The following RAD51B variants were observed in gnomAD, a reference collection of about 807,000 sequenced individuals.
RAD51B encodes the protein DNA repair protein RAD51 homolog 2.
RAD51B carries 38 observed loss-of-function variants against 42.2 expected under a neutral mutation model. The ratio of observed to expected loss-of-function variants is 0.90; its 90% confidence interval spans 0.70 to 1.18. The LOEUF (loss-of-function observed/expected upper bound fraction) is 1.18, where lower values mean the gene tolerates loss of function less well. Among genes scored for constraint, RAD51B ranks in the 50% most tolerant of loss-of-function variants. The probability of loss-of-function intolerance (pLI) is 0.00; values close to 1 mark genes in which losing one functional copy is unlikely to be tolerated. For synonymous variants in RAD51B, 154 were observed against 145.2 expected (o/e 1.06, Z -0.43); for missense variants, 373 against 400.7 (o/e 0.93, Z 0.59).
intron 8 of RAD51B, among the ~76,000 whole-genome samples, chr14:68,346,767 C>T (rs1234739282): frequency 2.0e-5 from 3 of 152,160 alleles, no homozygotes; most frequent in Non-Finnish European, 2.9e-5. Flanking sequence ...GTTCTCCAGC[C>T]GTATATCTCT....
intron 9 of RAD51B, among the ~76,000 whole-genome samples, chr14:68,452,053 A>C (rs2085569349): frequency 6.6e-6 from 1 of 152,134 alleles, no homozygotes; most frequent in African/African-American, 2.4e-5. Flanking sequence ...TGCATTTTCT[A>C]ATGGGCCTGG....
rs1296419873 is a variant in RAD51B at position 68,371,044 on chromosome 14, AAAAAAAAAAAAG to A, written c.854-40372_854-40361del. On this transcript the variant is annotated intron_variant, in intron 8 of 10. Transcript: ENST00000471583. The stretch of plus-strand genomic sequence containing the variant: ...AGAGCAAGACTCTGTCTCAAAAAAA[AAAAAAAAAAAAG>A]AAAAAAAGAAAAGAAAATTAAAAAA... 5.3e-4 allele frequency among the ~76,000 whole-genome samples: 68 copies of A among 128,958 alleles called. 1 individual carries two copies. The South Asian group carries it at 0.011, about 21-fold the overall frequency. The allele number at this position is 128,958 out of a possible 152,430, so 84.6% of individuals were successfully genotyped here.
In RAD51B at chr14:67,965,514, C is replaced by T. The variant is rs149952765; in HGVS notation, c.756+78310C>T. Among the ~76,000 whole-genome samples the T allele has an allele frequency of 1.6e-3, 250 of 152,176 alleles. 2 individuals are homozygous for T. Among genetic ancestry groups the T allele is most frequent in the African/African-American group, 5.2e-3 (214 of 41,534 alleles). The stretch of plus-strand genomic sequence containing the variant: ...TCATATCACTCTCTGGTTTAAAAAC[C>T]TTTGATGGGTCCCCATTAACACATA... On this transcript the variant is annotated intron_variant, in intron 7 of 10. Transcript: ENST00000471583.
chr14:68,404,237 C>T (rs1280266424), intron 8 of RAD51B, among the ~76,000 whole-genome samples: 1 of 152,204 alleles, frequency 6.6e-6, no homozygotes, highest in Non-Finnish European at 1.5e-5. Flanking sequence ...TGAAGTTATA[C>T]TGCTTTGGCA....
intron 10 of RAD51B, among the ~76,000 whole-genome samples, chr14:68,532,110 T>C (rs960650010): frequency 2.0e-5 from 3 of 152,236 alleles, no homozygotes. Context: ...TTTGTAAGAA[T>C]TGTTAACTTA....
At chr14:68,275,162 C>T (rs994780316) in intron 7 of RAD51B, among the ~76,000 whole-genome samples, 1 of 152,092 alleles carries the variant, frequency 6.6e-6, no homozygotes, top group Admixed American at 6.5e-5. Context: ...CTGTCCTGTG[C>T]CAGTGAGTGC....
intron 10 of RAD51B, among the ~76,000 whole-genome samples, chr14:68,529,468 G>A (rs574800919): frequency 5.9e-4 from 90 of 152,316 alleles, no homozygotes; most frequent in East Asian, 1.9e-3. Flanking sequence ...AGGAAAGAAC[G>A]TTGAAAAACA....
At chr14:68,259,813 A>G (rs2080839968) in intron 7 of RAD51B, among the ~76,000 whole-genome samples, 1 of 152,138 alleles carries the variant, frequency 6.6e-6, no homozygotes, top group Non-Finnish European at 1.5e-5. Context: ...ACTGTGGACC[A>G]AGCAGCGATA....
chr14:68,563,864 T>A lies in RAD51B; in HGVS notation c.1037-30621T>A, dbSNP rs115628141. The A allele has an allele frequency of 1.2e-3, 1,145 of 985,480 alleles. 6 individuals carry two copies. In the East Asian group the frequency reaches 0.023, roughly 20 times the overall value. The allele number at this position is 985,480 out of a possible 1,614,324, so 61.0% of individuals were successfully genotyped here. ...CCTCTTGAAGTTGGTTTCCGATCCC[T>A]GGCAAGCCTGTGCTCTGCAGCCTTG... On this transcript the variant is annotated intron_variant, in intron 10 of 10. Transcript: ENST00000487270.
At chr14:68,108,637 T>TA (rs1211366242) in intron 7 of RAD51B, among the ~76,000 whole-genome samples, 2 of 152,012 alleles carry the variant, frequency 1.3e-5, no homozygotes, top group East Asian at 3.9e-4. Flanking sequence ...CAGTGACTAC[T>TA]AATGAGTATC....
chr14:68,021,479 C>A (rs1022113270), intron 7 of RAD51B, among the ~76,000 whole-genome samples: 2 of 152,200 alleles, frequency 1.3e-5, no homozygotes, highest in African/African-American at 2.4e-5. Context: ...TAAGTCTTCC[C>A]TGCCACTTTT....
intron 7 of RAD51B, among the ~76,000 whole-genome samples, chr14:68,205,122 C>T (rs2079559767): frequency 6.6e-6 from 1 of 152,102 alleles, no homozygotes; most frequent in Non-Finnish European, 1.5e-5. Flanking sequence ...GTTTTCAACT[C>T]TTTCCTACCA....
chr14:68,016,139 C>T (rs1034417898), intron 7 of RAD51B, among the ~76,000 whole-genome samples: 6 of 152,162 alleles, frequency 3.9e-5, no homozygotes, highest in East Asian at 3.9e-4. Flanking sequence ...GGTAACAAAA[C>T]GATTAAAATG....
At chr14:68,634,196 A>G (rs1241417458) in intron 10 of RAD51B, among the ~76,000 whole-genome samples, 1 of 152,186 alleles carries the variant, frequency 6.6e-6, no homozygotes, top group Non-Finnish European at 1.5e-5. Flanking sequence ...TACCTCGTAG[A>G]GTTACTGAGG....
At chr14:67,884,791 C>G (rs1012904335) in intron 5 of RAD51B, among the ~76,000 whole-genome samples, 4 of 151,996 alleles carry the variant, frequency 2.6e-5, no homozygotes, top group African/African-American at 9.7e-5. Context: ...GTATATTTTT[C>G]TTTTCAAATT....
At chr14:68,407,170 T>A (rs1232713043) in intron 8 of RAD51B, among the ~76,000 whole-genome samples, 1 of 152,112 alleles carries the variant, frequency 6.6e-6, no homozygotes, top group Non-Finnish European at 1.5e-5. Flanking sequence ...AAAAGTATAG[T>A]AAATACATAA....
intron 10 of RAD51B, among the ~76,000 whole-genome samples, chr14:68,619,102 C>T (rs1388958625): frequency 6.6e-6 from 1 of 152,218 alleles, no homozygotes; most frequent in Non-Finnish European, 1.5e-5. Context: ...ACTCTTTTCC[C>T]TCCTGACACA....
At chr14:68,637,310 C>A (rs1389966354) in intron 10 of RAD51B, among the ~76,000 whole-genome samples, 1 of 152,152 alleles carries the variant, frequency 6.6e-6, no homozygotes, top group African/African-American at 2.4e-5. Context: ...AACTCCTGGC[C>A]TCAAGCGATC....
chr14:68,104,124 G>T (rs1299145927), intron 7 of RAD51B, among the ~76,000 whole-genome samples: 1 of 152,174 alleles, frequency 6.6e-6, no homozygotes, highest in East Asian at 1.9e-4. Context: ...GAGAGTATAT[G>T]CAAGAGATTT....
Sources: gnomAD v4.1 joint callset for allele counts (sites outside exome capture counted in the v4.1 genomes callset) on GRCh38, gnomAD v4.1.1 for gene constraint, MANE v1.5 for transcripts, NCBI Gene and HGNC (gene_info 2026-07-23, HGNC 2026-07-21) for gene names.